The following RORA variants were observed in gnomAD, a reference collection of about 807,000 sequenced individuals.
The protein encoded by RORA is nuclear receptor ROR-alpha.
Under a neutral mutation model 69.5 loss-of-function variants are expected in RORA, and 7 were observed. The ratio of observed to expected loss-of-function variants is 0.10; its 90% CI spans 0.06 to 0.19. The LOEUF (loss-of-function observed/expected upper bound fraction) is 0.19. RORA is among the 10% of genes least tolerant of loss of function. The pLI is 1.00. For synonymous variants in RORA, 261 were observed against 240.8 expected (o/e 1.08, Z -0.78); for missense variants, 457 against 663.0 (o/e 0.69, Z 3.41).
intron 1 of RORA, among the ~76,000 whole-genome samples, chr15:60,756,379 C>T (rs1020730): frequency 0.2 from 31,114 of 152,062 alleles, 3,742 homozygotes; most frequent in African/African-American, 0.34. Flanking sequence ...TTACCCACAG[C>T]GGGTTTTTGG....
chr15:61,193,573 C>A (rs1191861839), intron 1 of RORA, among the ~76,000 whole-genome samples: 1 of 152,172 alleles, frequency 6.6e-6, no homozygotes, highest in East Asian at 1.9e-4. Context: ...GTTATATGAG[C>A]CCATTAATTC....
chr15:61,119,091 G>GGC (rs1555412597), intron 1 of RORA, among the ~76,000 whole-genome samples: 1 of 148,502 alleles, frequency 6.7e-6, no homozygotes, highest in African/African-American at 2.5e-5. Context: ...AGGGGGGGGG[G>GGC]GGCGCCATGG....
intron 1 of RORA, among the ~76,000 whole-genome samples, chr15:60,743,689 A>T (rs868860098): frequency 6.6e-6 from 1 of 152,208 alleles, no homozygotes; most frequent in Non-Finnish European, 1.5e-5. Context: ...GCCCATCTCC[A>T]GACAGTATGA....
At chr15:60,661,249 A>G (rs1047000449) in intron 2 of RORA, among the ~76,000 whole-genome samples, 1 of 152,202 alleles carries the variant, frequency 6.6e-6, no homozygotes, top group Non-Finnish European at 1.5e-5. Flanking sequence ...TGCACAAGGC[A>G]TGCAATCGGA....
chr15:61,089,882 G>T (rs536618574), intron 1 of RORA, among the ~76,000 whole-genome samples: 1 of 152,140 alleles, frequency 6.6e-6, no homozygotes, highest in Non-Finnish European at 1.5e-5. Context: ...AAGATGGAGG[G>T]TAGAACATTC....
intron 1 of RORA, among the ~76,000 whole-genome samples, chr15:61,109,027 C>T (rs781755450): frequency 1.8e-4 from 28 of 152,104 alleles, no homozygotes; most frequent in Non-Finnish European, 3.7e-4. Flanking sequence ...AAAACTCTGT[C>T]TCTACTAAAA....
intron 1 of RORA, among the ~76,000 whole-genome samples, chr15:61,165,948 C>T (rs915942198): frequency 6.6e-6 from 1 of 152,208 alleles, no homozygotes; most frequent in Non-Finnish European, 1.5e-5. Flanking sequence ...GATGAAGTAA[C>T]TTGTCCAAGG....
At chr15:61,214,385 T>G (rs935990408) in intron 1 of RORA, among the ~76,000 whole-genome samples, 2 of 152,240 alleles carry the variant, frequency 1.3e-5, no homozygotes, top group Non-Finnish European at 2.9e-5. Context: ...TTGCGGGGTT[T>G]AAAACTTACG....
chr15:60,863,728 A>C (rs537559295), intron 1 of RORA, among the ~76,000 whole-genome samples: 1 of 152,298 alleles, frequency 6.6e-6, no homozygotes, highest in South Asian at 2.1e-4. Context: ...AACTCAGTCA[A>C]TACTAGCTGC....
intron 1 of RORA, among the ~76,000 whole-genome samples, chr15:61,125,676 CCT>C (rs571674867): frequency 2.0e-5 from 3 of 152,176 alleles, no homozygotes; most frequent in Non-Finnish European, 4.4e-5. Context: ...GCTTCTGATT[CCT>C]CTGTTTAGCA....
intron 1 of RORA, among the ~76,000 whole-genome samples, chr15:60,714,379 T>G (rs573589579): frequency 6.7e-6 from 1 of 148,536 alleles, no homozygotes; most frequent in African/African-American, 2.5e-5. Context: ...ATTTATTTAT[T>G]TTTTGAGATG....
At chr15:60,863,693 TAGTA>T (rs1253238138) in intron 1 of RORA, among the ~76,000 whole-genome samples, 2 of 152,264 alleles carry the variant, frequency 1.3e-5, no homozygotes, top group East Asian at 3.8e-4. Flanking sequence ...TTAAACTGTT[TAGTA>T]GACTGTTTCG....
intron 1 of RORA, among the ~76,000 whole-genome samples, chr15:60,727,677 T>TA (rs200733946): frequency 0.022 from 3,323 of 151,110 alleles, 140 homozygotes; most frequent in African/African-American, 0.077. Context: ...TTTGGGACTT[T>TA]AAAAAAAAAT....
intron 1 of RORA, among the ~76,000 whole-genome samples, chr15:60,807,534 CA>C (rs2072677068): frequency 6.6e-6 from 1 of 152,120 alleles, no homozygotes; most frequent in African/African-American, 2.4e-5. Flanking sequence ...CAATTCTCAT[CA>C]AAATATCACC....
chr15:61,005,663 G>C (rs556856059), intron 1 of RORA, among the ~76,000 whole-genome samples: 1 of 151,994 alleles, frequency 6.6e-6, no homozygotes. Flanking sequence ...TGTTCTAAGC[G>C]TATAGCTAAA....
At chr15:60,760,023 CT>C (rs557147575) in intron 1 of RORA, among the ~76,000 whole-genome samples, 1 of 151,706 alleles carries the variant, frequency 6.6e-6, no homozygotes, top group African/African-American at 2.4e-5. Flanking sequence ...TATATGTGGG[CT>C]TTTTTTAATA....
chr15:61,224,068 T>C (rs2140950870), intron 1 of RORA, among the ~76,000 whole-genome samples: 1 of 151,862 alleles, frequency 6.6e-6, no homozygotes, highest in East Asian at 1.9e-4. Flanking sequence ...GTATTATTCC[T>C]AAATTTTGAG....
At position 60,588,179 on chromosome 15, in the gene RORA, G is replaced by GT. The variant is rs1344628001; in HGVS notation, c.197-56329dup. On this transcript the variant is annotated intron_variant, in intron 2 of 10. Coordinates refer to ENST00000335670, the MANE Select transcript of RORA (RefSeq NM_134261.3). ...ACTGGTGGATGGCTCCAAAAAAACT[G>GT]TTTTTTAAGTAGAGAAACATAAAAG... is the stretch of plus-strand genomic sequence containing the variant. Among the ~76,000 whole-genome samples, 6 of 152,248 alleles carry GT rather than the reference G, an allele frequency of 3.9e-5. 2 individuals carry two copies. The highest frequency in any genetic ancestry group is 1.4e-4 in the African/African-American group (6 of 41,552).
At chr15:60,765,180 G>C (rs1297194558) in intron 1 of RORA, 1 of 152,044 alleles carries the variant, frequency 6.6e-6, no homozygotes, top group Non-Finnish European at 1.5e-5. Context: ...CCCTGATACA[G>C]GCTATTTTTG....
Sources: allele counts gnomAD v4.1 joint callset (sites outside exome capture counted in the v4.1 genomes callset), GRCh38; gene constraint gnomAD v4.1.1; transcripts MANE v1.5; gene names NCBI Gene and HGNC (gene_info 2026-07-23, HGNC 2026-07-21).